Variants in WDR3 observed in about 807,000 individuals in gnomAD.
The protein encoded by WDR3 is WD repeat-containing protein 3.
A neutral mutation model predicts 123.7 loss-of-function variants in WDR3; 81 were observed. The observed-to-expected ratio is 0.65, with a 90% CI of 0.55 to 0.79. The LOEUF is 0.79. Among genes scored for constraint, WDR3 ranks in the 30% least tolerant of loss-of-function variants. The probability of loss-of-function intolerance (pLI) is 0.00; values close to 1 mark genes in which losing one functional copy is unlikely to be tolerated. For synonymous variants in WDR3, 390 were observed against 388.8 expected (o/e 1.00, Z -0.04); for missense variants, 1,027 against 1,123.2 (o/e 0.91, Z 1.22).
chr1:117,940,304 T>C (rs1192016737), intron 6 of WDR3, among the ~76,000 whole-genome samples: 3 of 152,222 alleles, frequency 2.0e-5, no homozygotes, highest in Non-Finnish European at 4.4e-5. Flanking sequence ...TTTGTTTGTA[T>C]ATTATGTAGT....
At chr1:117,931,517 A>T (rs560413676) in intron 1 of WDR3, among the ~76,000 whole-genome samples, 1 of 152,380 alleles carries the variant, frequency 6.6e-6, no homozygotes, top group Admixed American at 6.5e-5. Flanking sequence ...GGTTATAGAC[A>T]TGTTAAATGT....
chr1:117,947,125 C>A (rs556663019), intron 12 of WDR3, among the ~76,000 whole-genome samples: 2 of 152,016 alleles, frequency 1.3e-5, no homozygotes, highest in South Asian at 4.2e-4. Flanking sequence ...TTGGTGTTCT[C>A]GTGGAAAATG....
At chr1:117,945,856 T>C (rs1651361532) in intron 11 of WDR3, among the ~76,000 whole-genome samples, 1 of 152,236 alleles carries the variant, frequency 6.6e-6, no homozygotes, top group Admixed American at 6.5e-5. Flanking sequence ...TCTACTCTGC[T>C]TTTGTGTGAT....
At chr1:117,955,693 A>AT (rs1040612211) in intron 24 of WDR3, among the ~76,000 whole-genome samples, 6 of 152,010 alleles carry the variant, frequency 3.9e-5, no homozygotes, top group Non-Finnish European at 8.8e-5. Flanking sequence ...CAATTGGAAT[A>AT]TTATATAAAG....
chr1:117,962,102 G>C lies in WDR3; in HGVS notation c.*2655G>C, dbSNP rs1653176778. The C allele has an allele frequency of 6.6e-6, 1 of 151,510 alleles. No individual in the cohort carries two copies. The highest frequency in any genetic ancestry group is 1.5e-5 in the Non-Finnish European group (1 of 67,956). The allele number at this position is 151,510 out of a possible 1,614,324, so 9.4% of individuals were successfully genotyped here. ...TGTTAAAAGTTGCTGTTTTCCCGTA[G>C]CTTTGCCACCATTTATAACTCAAAA... is the stretch of plus-strand genomic sequence containing the variant. On this transcript the variant is annotated 3_prime_UTR_variant, in exon 27 of 27. Coordinates refer to ENST00000349139, the MANE Select transcript of WDR3 (RefSeq NM_006784.3).
intron 2 of WDR3, chr1:117,933,857 T>C (rs1650822452): frequency 3.7e-6 from 1 of 270,226 alleles, no homozygotes; most frequent in Non-Finnish European, 7.3e-6. Context: ...AAAAGGAAGG[T>C]TAGTCTATTT....
At chr1:117,950,768 C>T (rs1046624011) in intron 15 of WDR3, 66 bp from the exon 16 acceptor site, 1 of 1,313,802 alleles carries the variant, frequency 7.6e-7, no homozygotes, top group South Asian at 1.2e-5. Context: ...ATATTTTAGA[C>T]CTACATGTAA....
intron 20 of WDR3, 41 bp downstream of exon 20, chr1:117,953,037 T>C (rs1195219197): frequency 6.3e-7 from 1 of 1,593,890 alleles, no homozygotes. Flanking sequence ...GCCCCATATA[T>C]AGTTATCTTA....
intron 25 of WDR3, among the ~76,000 whole-genome samples, chr1:117,958,105 A>G (rs978668795): frequency 2.6e-5 from 4 of 152,204 alleles, no homozygotes; most frequent in African/African-American, 9.7e-5. Context: ...CATTCCTTCA[A>G]ATACTGTTAT....
chr1:117,953,627 C>T lies in WDR3; in HGVS notation c.2268+86C>T. On this transcript the variant is annotated intron_variant, in intron 21 of 26. Coordinates refer to ENST00000349139, the MANE Select transcript of WDR3 (RefSeq NM_006784.3). ...GTTTTATTCTGTATCAACCAGAAAGCCATTTTTTTGGCAAAAAGTTGATGA... is the reference window on the plus strand; with the variant it reads ...GTTTTATTCTGTATCAACCAGAAAGTCATTTTTTTGGCAAAAAGTTGATGA... 2.1e-6 allele frequency: 3 copies of T among 1,452,196 alleles called. No homozygotes were observed. In the South Asian group the frequency reaches 3.8e-5, roughly 18 times the overall value. 90.0% of individuals were successfully genotyped at this position (1,452,196 alleles called of 1,614,324 possible). A position where few individuals can be genotyped will look rare whatever the true frequency, so the allele number is the denominator to read the frequency against.
chr1:117,952,050 C>CA lies in WDR3; in HGVS notation c.1880dup (p.Ser628ValfsTer6), dbSNP rs1297983351. 1.2e-6 allele frequency: 2 copies of CA among 1,613,372 alleles called. No homozygotes were observed. Among genetic ancestry groups the CA allele is most frequent in the Non-Finnish European group, 1.7e-6 (2 of 1,179,426 alleles). Reference sequence around the variant, plus strand: ...GGGGTTTGGACTTTGGGGACTGCCACAAGTCTCTCTTTGCACATGATGACA... The same window carrying CA: ...GGGGTTTGGACTTTGGGGACTGCCACAAAGTCTCTCTTTGCACATGATGACA... On this transcript the variant is annotated frameshift_variant, in exon 17 of 27. Coordinates refer to ENST00000349139, the MANE Select transcript of WDR3 (RefSeq NM_006784.3). LOFTEE classifies it high-confidence loss of function.
At chr1:117,944,310 C>T (rs1379575918) in intron 11 of WDR3, among the ~76,000 whole-genome samples, 1 of 152,174 alleles carries the variant, frequency 6.6e-6, no homozygotes, top group Non-Finnish European at 1.5e-5. Context: ...CCTTCCCTTG[C>T]TGTCTGTTTA....
At position 117,933,279 on chromosome 1, in the gene WDR3, T is replaced by C. The variant is rs747747864; in HGVS notation, c.-32-9T>C. The C allele has an allele frequency of 2.2e-5, 35 of 1,608,490 alleles. No homozygotes were observed. The highest frequency in any genetic ancestry group is 2.8e-5 in the Non-Finnish European group (33 of 1,176,140). ...CAAGGAGCTGAGTTTTCTTTGTTTA[T>C]ATGCACAGATTGCTTCACCTGTGGT... On this transcript the variant is annotated splice_polypyrimidine_tract_variant and intron_variant, in intron 1 of 26. Coordinates refer to ENST00000349139, the MANE Select transcript of WDR3 (RefSeq NM_006784.3).
At chr1:117,959,163 A>C in intron 26 of WDR3, 129 bp from the exon 27 acceptor site, 1 of 1,374,936 alleles carries the variant, frequency 7.3e-7, no homozygotes, top group Non-Finnish European at 9.8e-7. Flanking sequence ...AAAAACAAAC[A>C]AGAAAAGTTC....
chr1:117,953,963 T>C lies in WDR3; in HGVS notation c.2269-44T>C, dbSNP rs186958350. On this transcript the variant is annotated intron_variant, in intron 21 of 26. Transcript: ENST00000349139. ...TTCCAGTTTCAGTGTCCTGGGATGA[T>C]GGAGTATGTTGTGATGACTTCTTTC... 9.2e-4 allele frequency: 1,383 copies of C among 1,507,292 alleles called. 5 individuals are homozygous for C. The highest frequency in any genetic ancestry group is 1.0e-3 in the Non-Finnish European group (1,153 of 1,099,688). 93.4% of individuals were successfully genotyped at this position (1,507,292 alleles called of 1,614,324 possible).
Position 117,948,389 on chromosome 1 carries a change from T to C in WDR3, c.1423-16T>C. Reference sequence around the variant, plus strand: ...CGTATGTTCATTGGAGCTGTGCTCATTTTGTGTCTTCCCAGACAGGGAAGC... The same window carrying C: ...CGTATGTTCATTGGAGCTGTGCTCACTTTGTGTCTTCCCAGACAGGGAAGC... On this transcript the variant is annotated splice_polypyrimidine_tract_variant and intron_variant, in intron 12 of 26. Coordinates refer to ENST00000349139, the MANE Select transcript of WDR3 (RefSeq NM_006784.3). 5 of 1,610,648 alleles carry C rather than the reference T, an allele frequency of 3.1e-6. No individual in the cohort carries two copies. The highest frequency in any genetic ancestry group is 4.2e-6 in the Non-Finnish European group (5 of 1,177,218).
intron 2 of WDR3, 43 bp from the exon 3 acceptor site, chr1:117,934,430 A>G: frequency 2.5e-6 from 4 of 1,595,546 alleles, no homozygotes; most frequent in Non-Finnish European, 3.4e-6. Flanking sequence ...CCTTGAGTTC[A>G]TGCTTAACTC....
rs374481557 is a variant in WDR3 at position 117,950,899 on chromosome 1, T to C, written c.1803+9T>C. On this transcript the variant is annotated intron_variant, in intron 16 of 26. Coordinates refer to ENST00000349139, the MANE Select transcript of WDR3 (RefSeq NM_006784.3). ...GCATGGACATCTCTCATGTAAGTAG[T>C]TTAAATAGTGTCTCAGTAATATGTT... 5.0e-6 allele frequency: 8 copies of C among 1,603,426 alleles called. No homozygotes were observed. The highest frequency in any genetic ancestry group is 6.8e-6 in the Non-Finnish European group (8 of 1,176,130).
rs1268708043 is a variant in WDR3, at chr1:117,945,393, T to C, written c.1329-693T>C. On this transcript the variant is annotated intron_variant, in intron 11 of 26. Coordinates refer to ENST00000349139, the MANE Select transcript of WDR3 (RefSeq NM_006784.3). ...TTTCTTATGGCTGTTGTGCTCCCTG[T>C]TCTTTCTGCCTGAATCCATCTTCCC... 4.6e-5 allele frequency among the ~76,000 whole-genome samples: 7 copies of C among 152,324 alleles called. No individual in the cohort carries two copies. In the South Asian group the frequency reaches 1.0e-3, roughly 23 times the overall value.
Sources: allele counts gnomAD v4.1 joint callset (sites outside exome capture counted in the v4.1 genomes callset), GRCh38; gene constraint gnomAD v4.1.1; transcripts MANE v1.5; gene names NCBI Gene and HGNC (gene_info 2026-07-23, HGNC 2026-07-21).